Variants in RARB observed in about 807,000 individuals in gnomAD.
The protein encoded by RARB is HBV-activated protein.
Under a neutral mutation model 51.9 loss-of-function variants are expected in RARB, and 17 were observed. The ratio of observed to expected loss-of-function variants is 0.33; its 90% confidence interval spans 0.22 to 0.49. The LOEUF (loss-of-function observed/expected upper bound fraction) is 0.49. RARB is among the 20% of genes least tolerant of loss of function. RARB has a pLI of 0.99. For missense variants in RARB, 369 were observed against 550.8 expected (o/e 0.67, Z 3.30); for synonymous variants, 215 against 195.4 (o/e 1.10, Z -0.84).
chr3:25,325,536 C>T (rs1238571036), intron 5 of RARB, among the ~76,000 whole-genome samples: 3 of 151,580 alleles, frequency 2.0e-5, no homozygotes, highest in South Asian at 4.2e-4. Flanking sequence ...AGAAGCAGAC[C>T]AAATACCCCC....
chr3:24,896,973 G>C (rs1703491708), intron 2 of RARB, among the ~76,000 whole-genome samples: 1 of 152,182 alleles, frequency 6.6e-6, no homozygotes, highest in Admixed American at 6.5e-5. Context: ...AACACATCTT[G>C]ATTTGTCTGA....
intron 5 of RARB, among the ~76,000 whole-genome samples, chr3:25,214,602 A>T (rs902740946): frequency 6.6e-6 from 1 of 152,198 alleles, no homozygotes; most frequent in Non-Finnish European, 1.5e-5. Flanking sequence ...AGAATCCTCA[A>T]TATTTTAACA....
At chr3:25,307,164 A>G (rs1277727270) in intron 5 of RARB, among the ~76,000 whole-genome samples, 1 of 152,036 alleles carries the variant, frequency 6.6e-6, no homozygotes, top group African/African-American at 2.4e-5. Context: ...TCAATTGAGA[A>G]CCGGAGTTCA....
intron 4 of RARB, among the ~76,000 whole-genome samples, chr3:25,156,215 A>C (rs1237296207): frequency 6.6e-6 from 1 of 152,216 alleles, no homozygotes; most frequent in South Asian, 2.1e-4. Context: ...ATGGGATTTG[A>C]TAACGAATGG....
chr3:25,165,561 T>C (rs908390019), intron 4 of RARB, among the ~76,000 whole-genome samples: 2 of 152,164 alleles, frequency 1.3e-5, no homozygotes, highest in Non-Finnish European at 2.9e-5. Flanking sequence ...AGTCATTCGC[T>C]TGGCTTGGGA....
At chr3:25,167,533 G>A (rs1333360401) in intron 4 of RARB, among the ~76,000 whole-genome samples, 1 of 152,178 alleles carries the variant, frequency 6.6e-6, no homozygotes, top group Non-Finnish European at 1.5e-5. Context: ...GTCCCAGAGA[G>A]CAGAGGCACC....
chr3:25,538,586 C>A (rs1371277081), intron 3 of RARB, among the ~76,000 whole-genome samples: 1 of 152,186 alleles, frequency 6.6e-6, no homozygotes, highest in African/African-American at 2.4e-5. Flanking sequence ...GGAGAGTAGG[C>A]ATTTAGAAAC....
At position 25,580,560 on chromosome 3, in the gene RARB, C is replaced by A; in HGVS notation, c.624C>A (p.Asp208Glu). ...CTCTCTCCTAGAATTCCAGTGCTGA[C>A]CATCGAGTCCGACTGGACCTGGGCC... Reference protein sequence around the residue: ...LGKYTTNSSADHRVRLDLGLW... With the variant: ...LGKYTTNSSAEHRVRLDLGLW... Residue 208 changes from aspartate to glutamate, a missense_variant, in exon 5 of 8, where the codon GAC (aspartate) becomes GAA (glutamate). Asp to Glu is a conservative substitution (Grantham distance 45). Transcript: ENST00000330688. 6.3e-7 allele frequency: 1 copy of A among 1,595,206 alleles called. No individual in the cohort carries two copies. The highest frequency in any genetic ancestry group is 2.2e-5 in the East Asian group (1 of 44,482).
At chr3:25,564,014 C>G (rs1008887089) in intron 3 of RARB, among the ~76,000 whole-genome samples, 1 of 150,286 alleles carries the variant, frequency 6.7e-6, no homozygotes, top group Non-Finnish European at 1.5e-5. Flanking sequence ...TTCCTGAATC[C>G]AAGTGAATCT....
intron 2 of RARB, among the ~76,000 whole-genome samples, chr3:24,938,260 T>C (rs1367571838): frequency 6.6e-6 from 1 of 152,186 alleles, no homozygotes. Flanking sequence ...ATTTTCTATC[T>C]ACAATCTATT....
At chr3:25,042,864 C>T (rs1300186291) in intron 2 of RARB, among the ~76,000 whole-genome samples, 2 of 152,146 alleles carry the variant, frequency 1.3e-5, no homozygotes, top group African/African-American at 4.8e-5. Flanking sequence ...TTTCCTCTAC[C>T]CCTCCAGCCC....
At chr3:24,893,274 G>T (rs1174630149) in intron 2 of RARB, among the ~76,000 whole-genome samples, 1 of 152,190 alleles carries the variant, frequency 6.6e-6, no homozygotes, top group Non-Finnish European at 1.5e-5. Context: ...GACATTTTAA[G>T]ATGGACCATA....
At chr3:25,011,049 A>C (rs1442711242) in intron 2 of RARB, among the ~76,000 whole-genome samples, 1 of 152,108 alleles carries the variant, frequency 6.6e-6, no homozygotes, top group Non-Finnish European at 1.5e-5. Context: ...GTTAACCTAT[A>C]TCTGTTCGAT....
chr3:24,992,349 T>C (rs1207766374), intron 2 of RARB, among the ~76,000 whole-genome samples: 3 of 152,164 alleles, frequency 2.0e-5, no homozygotes, highest in Admixed American at 2.0e-4. Context: ...TATAAAAGTA[T>C]AAAGTTAGTT....
At chr3:25,034,727 T>TA (rs1012572533) in intron 2 of RARB, among the ~76,000 whole-genome samples, 1 of 152,052 alleles carries the variant, frequency 6.6e-6, no homozygotes, top group Admixed American at 6.5e-5. Context: ...CAAGCCTACA[T>TA]ACAATGTTTT....
intron 4 of RARB, among the ~76,000 whole-genome samples, chr3:25,139,995 A>T (rs1700084649): frequency 6.6e-6 from 1 of 152,116 alleles, no homozygotes; most frequent in Non-Finnish European, 1.5e-5. Flanking sequence ...TATTTTTGAA[A>T]CCTGCTCAGA....
At chr3:25,083,492 C>G (rs575902903) in intron 3 of RARB, among the ~76,000 whole-genome samples, 1 of 152,054 alleles carries the variant, frequency 6.6e-6, no homozygotes, top group Non-Finnish European at 1.5e-5. Context: ...TCATTTGGCT[C>G]TCTTATAGTT....
At chr3:24,916,192 C>G (rs138266313) in intron 2 of RARB, among the ~76,000 whole-genome samples, 1 of 152,252 alleles carries the variant, frequency 6.6e-6, no homozygotes, top group East Asian at 1.9e-4. Context: ...ACAGTGAAAG[C>G]TAGAGCCCTC....
chr3:25,532,883 A>G (rs776461442), intron 3 of RARB, among the ~76,000 whole-genome samples: 18 of 152,318 alleles, frequency 1.2e-4, no homozygotes, highest in Admixed American at 3.3e-4. Flanking sequence ...CAGGACATTT[A>G]AAGTTCACTT....
Sources: gnomAD v4.1 joint callset for allele counts (sites outside exome capture counted in the v4.1 genomes callset) on GRCh38, gnomAD v4.1.1 for gene constraint, MANE v1.5 for transcripts, NCBI Gene and HGNC (gene_info 2026-07-23, HGNC 2026-07-21) for gene names.